Variants in GALNT7 observed in about 807,000 individuals in gnomAD.
GALNT7 encodes the protein polypeptide N-acetylgalactosaminyltransferase 7, also known as N-acetylgalactosaminyltransferase 7.
GALNT7 carries 60 observed loss-of-function variants against 82.1 expected under a neutral mutation model. That is an observed-to-expected ratio of 0.73 (90% confidence interval 0.59 to 0.91). The LOEUF (loss-of-function observed/expected upper bound fraction) is 0.91, where lower values mean the gene tolerates loss of function less well. Among genes scored for constraint, GALNT7 ranks in the 40% least tolerant of loss-of-function variants. GALNT7 has a pLI of 0.00. For synonymous variants in GALNT7, 243 were observed against 275.1 expected, an observed-to-expected ratio of 0.88 and a Z score of 1.15; for missense variants, 660 against 804.2, an observed-to-expected ratio of 0.82 and a Z score of 2.17.
intron 8 of GALNT7, among the ~76,000 whole-genome samples, chr4:173,306,923 C>T (rs1282887006): frequency 6.6e-6 from 1 of 152,170 alleles, no homozygotes; most frequent in Non-Finnish European, 1.5e-5. Flanking sequence ...GCGGACTTTA[C>T]AGGCTGGTTT....
At chr4:173,281,477 ACCCCTGGCAGG>A (rs1336597987) in intron 2 of GALNT7, among the ~76,000 whole-genome samples, 1 of 151,668 alleles carries the variant, frequency 6.6e-6, no homozygotes, top group Admixed American at 6.6e-5. Flanking sequence ...TATTACTGTG[ACCCCTGGCAGG>A]CCACTGGCTC....
At chr4:173,224,635 A>T (rs1227293942) in intron 1 of GALNT7, among the ~76,000 whole-genome samples, 1 of 152,210 alleles carries the variant, frequency 6.6e-6, no homozygotes, top group Non-Finnish European at 1.5e-5. Flanking sequence ...TCATATATAC[A>T]TATATAGTTT....
In GALNT7 at chr4:173,235,552, TTTTC is replaced by T. The variant is rs1397693271; in HGVS notation, c.127-12424_127-12421del. On this transcript the variant is annotated intron_variant, in intron 1 of 11. Coordinates refer to ENST00000265000, the MANE Select transcript of GALNT7 (RefSeq NM_017423.3). ...ATTCTCAAGAAAGCCTTTTCTTTTCTTTTCTTTTTTTTTTTTTTCTTGAGACAGA... is the reference window on the plus strand; with the variant it reads ...ATTCTCAAGAAAGCCTTTTCTTTTCTTTTTTTTTTTTTTTCTTGAGACAGA... Among the ~76,000 whole-genome samples, 10 of 39,626 alleles carry T rather than the reference TTTTC, an allele frequency of 2.5e-4. 1 individual carries two copies. The highest frequency in any genetic ancestry group is 4.5e-3 in the South Asian group (2 of 446). 26.0% of individuals were successfully genotyped at this position (39,626 alleles called of 152,430 possible).
chr4:173,321,632 A>AG lies in GALNT7; in HGVS notation c.1891dup (p.Val631GlyfsTer11). The AG allele has an allele frequency of 6.2e-7, 1 of 1,604,930 alleles. No homozygotes were observed. The highest frequency in any genetic ancestry group is 8.5e-7 in the Non-Finnish European group (1 of 1,171,734). ...TCAGGAAAGTGTTTAGATCGCTCAG[A>AG]GGTCCTGCATCAAGTATTCATCTCC... On this transcript the variant is annotated frameshift_variant, in exon 12 of 12. Coordinates refer to ENST00000265000, the MANE Select transcript of GALNT7 (RefSeq NM_017423.3). LOFTEE classifies it high-confidence loss of function.
intron 1 of GALNT7, among the ~76,000 whole-genome samples, chr4:173,239,460 T>C (rs1038116828): frequency 2.0e-5 from 3 of 152,160 alleles, no homozygotes; most frequent in Admixed American, 6.5e-5. Context: ...AGCCCTCACT[T>C]TGACTGGGGA....
At chr4:173,273,227 G>A (rs1735791588) in intron 2 of GALNT7, among the ~76,000 whole-genome samples, 1 of 152,166 alleles carries the variant, frequency 6.6e-6, no homozygotes, top group South Asian at 2.1e-4. Flanking sequence ...AACATGGATT[G>A]GGAGAGATGA....
intron 1 of GALNT7, among the ~76,000 whole-genome samples, chr4:173,202,998 T>C (rs1193419587): frequency 6.6e-6 from 1 of 152,124 alleles, no homozygotes; most frequent in Non-Finnish European, 1.5e-5. Flanking sequence ...AGCTCTCTTT[T>C]GATTTCAATT....
rs1351874957 is a variant in GALNT7 at position 173,225,989 on chromosome 4, G to A, written c.127-21991G>A. On this transcript the variant is annotated intron_variant, in intron 1 of 11. Transcript: ENST00000265000. ...CAAGAGGACTGGCCTTTTTACCTCT[G>A]CATTGACCCATCGCTGTGTGCAGAC... Among the ~76,000 whole-genome samples the A allele has an allele frequency of 2.0e-5, 3 of 152,222 alleles. No homozygotes were observed. In the East Asian group the frequency reaches 5.8e-4, roughly 29 times the overall value.
At position 173,261,842 on chromosome 4, in the gene GALNT7, A is replaced by G. The variant is rs182403720; in HGVS notation, c.587+13402A>G. 3.5e-4 allele frequency among the ~76,000 whole-genome samples: 54 copies of G among 152,254 alleles called. No individual in the cohort carries two copies. In the East Asian group the frequency reaches 9.4e-3, roughly 27 times the overall value. On this transcript the variant is annotated intron_variant, in intron 2 of 11. Coordinates refer to ENST00000265000, the MANE Select transcript of GALNT7 (RefSeq NM_017423.3). ...TCAAAAAAAATTTAAAAAATAAAAAATAATAGATAGCTGCAAATAATTAGG... is the reference window on the plus strand; with the variant it reads ...TCAAAAAAAATTTAAAAAATAAAAAGTAATAGATAGCTGCAAATAATTAGG...
intron 1 of GALNT7, among the ~76,000 whole-genome samples, chr4:173,230,072 C>T (rs1262473985): frequency 6.6e-6 from 1 of 152,108 alleles, no homozygotes; most frequent in African/African-American, 2.4e-5. Context: ...AACAAAAAAC[C>T]TGTATGACTT....
At chr4:173,175,484 T>C (rs1327684401) in intron 1 of GALNT7, among the ~76,000 whole-genome samples, 2 of 152,232 alleles carry the variant, frequency 1.3e-5, no homozygotes, top group Non-Finnish European at 2.9e-5. Context: ...TCTCTGATCT[T>C]GCACTACAGT....
intron 1 of GALNT7, among the ~76,000 whole-genome samples, chr4:173,195,829 T>C (rs2126645491): frequency 6.6e-6 from 1 of 152,330 alleles, no homozygotes; most frequent in East Asian, 1.9e-4. Context: ...GATTTAATAG[T>C]GAGGACAAAG....
intron 1 of GALNT7, among the ~76,000 whole-genome samples, chr4:173,181,503 T>C (rs1203137413): frequency 6.6e-6 from 1 of 152,244 alleles, no homozygotes; most frequent in Non-Finnish European, 1.5e-5. Context: ...TTAAATACCT[T>C]GGTATTTTAA....
At chr4:173,289,439 C>G (rs1373094367) in intron 2 of GALNT7, among the ~76,000 whole-genome samples, 2 of 152,200 alleles carry the variant, frequency 1.3e-5, no homozygotes, top group Non-Finnish European at 2.9e-5. Context: ...TGCTCCACAG[C>G]AGAGAGGGGA....
intron 1 of GALNT7, among the ~76,000 whole-genome samples, chr4:173,228,471 A>C (rs1733911370): frequency 6.6e-6 from 1 of 151,936 alleles, no homozygotes; most frequent in Non-Finnish European, 1.5e-5. Flanking sequence ...TGTTAAGTTC[A>C]GTTAGCATAA....
intron 8 of GALNT7, among the ~76,000 whole-genome samples, chr4:173,311,164 A>C (rs1472234061): frequency 2.6e-5 from 4 of 152,130 alleles, no homozygotes; most frequent in East Asian, 1.9e-4. Context: ...TTCCCACCTA[A>C]TTAACCACTC....
At chr4:173,254,596 A>G (rs1323422168) in intron 2 of GALNT7, among the ~76,000 whole-genome samples, 2 of 152,236 alleles carry the variant, frequency 1.3e-5, no homozygotes, top group Non-Finnish European at 2.9e-5. Flanking sequence ...ACACATACAT[A>G]TATGAATCAT....
chr4:173,186,539 T>C (rs1410412932), intron 1 of GALNT7, among the ~76,000 whole-genome samples: 1 of 152,158 alleles, frequency 6.6e-6, no homozygotes, highest in Non-Finnish European at 1.5e-5. Flanking sequence ...CTGTTTTTCC[T>C]TCCTTCTGTT....
chr4:173,248,262 C>G lies in GALNT7; in HGVS notation c.409C>G (p.Pro137Ala), dbSNP rs1482946778. 6.2e-7 allele frequency: 1 copy of G among 1,613,958 alleles called. No individual in the cohort carries two copies. The highest frequency in any genetic ancestry group is 1.7e-5 in the Admixed American group (1 of 59,988). The change falls in exon 2 of 12, where the codon CCC becomes GCC. Residue 137 changes from proline to alanine, a missense_variant. Transcript: ENST00000265000. ...CCCAGGGATCCTCGGTAACTTTGAA[C>G]CCAAAGAACCTGAGCCTCCTGGAGT... ...LRPGILGNFE[P>A]KEPEPPGVVG...
Sources: allele counts gnomAD v4.1 joint callset (sites outside exome capture counted in the v4.1 genomes callset), GRCh38; gene constraint gnomAD v4.1.1; transcripts MANE v1.5; gene names NCBI Gene and HGNC (gene_info 2026-07-23, HGNC 2026-07-21).